Variants in PRICKLE2 observed in about 807,000 individuals in gnomAD.
PRICKLE2 encodes prickle-like protein 2.
A neutral mutation model predicts 81.4 loss-of-function variants in PRICKLE2; 21 were observed. The observed-to-expected ratio is 0.26, with a 90% CI of 0.18 to 0.37. The LOEUF is 0.37. Among genes scored for constraint, PRICKLE2 ranks in the 10% least tolerant of loss-of-function variants. PRICKLE2 has a pLI of 1.00. For synonymous variants in PRICKLE2, 456 were observed against 421.5 expected (o/e 1.08, Z -1.00); for missense variants, 940 against 1,109.0 (o/e 0.85, Z 2.16).
intron 7 of PRICKLE2, among the ~76,000 whole-genome samples, chr3:64,127,787 A>G (rs1243275290): frequency 6.6e-6 from 1 of 151,754 alleles, no homozygotes; most frequent in Admixed American, 6.6e-5. Flanking sequence ...GATGCTCAAG[A>G]TAACCTGTAA....
chr3:64,111,274 T>C (rs1269878375), intron 7 of PRICKLE2, among the ~76,000 whole-genome samples: 1 of 152,248 alleles, frequency 6.6e-6, no homozygotes, highest in Non-Finnish European at 1.5e-5. Context: ...CTTTACTCCA[T>C]ATTTATCTGT....
chr3:64,258,782 C>CGT (rs1559608233), intron 2 of PRICKLE2, among the ~76,000 whole-genome samples: 1 of 134,608 alleles, frequency 7.4e-6, no homozygotes, highest in Non-Finnish European at 1.5e-5. Flanking sequence ...CGAGATCATG[C>CGT]CACTGCACTC....
chr3:64,213,800 T>A (rs893929518), intron 1 of PRICKLE2, among the ~76,000 whole-genome samples: 2 of 152,164 alleles, frequency 1.3e-5, no homozygotes, highest in African/African-American at 4.8e-5. Context: ...AGAAAATTAT[T>A]GTTATCCTTC....
chr3:64,182,098 A>C (rs1331550901), intron 2 of PRICKLE2, among the ~76,000 whole-genome samples: 2 of 152,010 alleles, frequency 1.3e-5, no homozygotes, highest in Non-Finnish European at 2.9e-5. Flanking sequence ...GTACCCCCAA[A>C]TTCATGTGTT....
At chr3:64,182,277 G>A (rs1240763757) in intron 2 of PRICKLE2, among the ~76,000 whole-genome samples, 3 of 151,952 alleles carry the variant, frequency 2.0e-5, no homozygotes, top group Admixed American at 2.0e-4. Flanking sequence ...CTTTGAGTCC[G>A]GGTGTTAGAG....
At chr3:64,261,379 G>A (rs1046694549) in intron 2 of PRICKLE2, among the ~76,000 whole-genome samples, 1 of 152,166 alleles carries the variant, frequency 6.6e-6, no homozygotes, top group Non-Finnish European at 1.5e-5. Flanking sequence ...CCTCCTAGAA[G>A]GAAGGTACTG....
At chr3:64,159,062 G>C (rs1305749898) in intron 4 of PRICKLE2, among the ~76,000 whole-genome samples, 3 of 152,152 alleles carry the variant, frequency 2.0e-5, no homozygotes, top group African/African-American at 7.2e-5. Context: ...GTGGGGCAAG[G>C]TGTGTTCCCA....
intron 7 of PRICKLE2, among the ~76,000 whole-genome samples, chr3:64,110,799 G>C (rs2076832086): frequency 6.6e-6 from 1 of 151,956 alleles, no homozygotes; most frequent in Admixed American, 6.6e-5. Context: ...GGCTCAGAAG[G>C]TGAAAAGGAG....
At chr3:64,129,723 G>T (rs2077171023) in intron 7 of PRICKLE2, among the ~76,000 whole-genome samples, 1 of 152,094 alleles carries the variant, frequency 6.6e-6, no homozygotes, top group African/African-American at 2.4e-5. Context: ...CTGAGACTCG[G>T]CTTTAATGTA....
intron 6 of PRICKLE2, among the ~76,000 whole-genome samples, chr3:64,150,454 T>C (rs968676351): frequency 2.0e-5 from 3 of 152,250 alleles, no homozygotes; most frequent in East Asian, 3.9e-4. Context: ...AAAGCCTGCC[T>C]CTCTCTTCGC....
chr3:64,179,035 C>CTTTCT (rs1357900519), intron 2 of PRICKLE2, among the ~76,000 whole-genome samples: 11 of 97,096 alleles, frequency 1.1e-4, no homozygotes, highest in African/African-American at 4.4e-4. Context: ...TTCTTTCTTT[C>CTTTCT]TTTTCTTTCC....
intron 7 of PRICKLE2, among the ~76,000 whole-genome samples, chr3:64,132,951 C>A (rs2077218563): frequency 6.6e-6 from 1 of 152,168 alleles, no homozygotes; most frequent in Admixed American, 6.5e-5. Context: ...TTGAGTTCAT[C>A]TCTGGAAGAC....
intron 1 of PRICKLE2, among the ~76,000 whole-genome samples, chr3:64,201,832 G>A (rs1347252078): frequency 1.3e-5 from 2 of 151,920 alleles, no homozygotes; most frequent in African/African-American, 4.8e-5. Flanking sequence ...TCATAAAGAT[G>A]TATTCTTACA....
chr3:64,125,200 C>T (rs1330923964), intron 7 of PRICKLE2, among the ~76,000 whole-genome samples: 1 of 152,062 alleles, frequency 6.6e-6, no homozygotes, highest in Non-Finnish European at 1.5e-5. Context: ...ATCTCATGAT[C>T]GAACTTGAAT....
At chr3:64,160,129 T>C (rs1188107618) in intron 3 of PRICKLE2, 52 bp from the exon 4 acceptor site, 4 of 1,595,336 alleles carry the variant, frequency 2.5e-6, no homozygotes, top group Non-Finnish European at 3.4e-6. Context: ...CTCCTTAAGA[T>C]TTCTGAAGCC....
At chr3:64,200,182 T>G (rs2078545328) in intron 1 of PRICKLE2, 1 of 152,232 alleles carries the variant, frequency 6.6e-6, no homozygotes, top group African/African-American at 2.4e-5. Flanking sequence ...CTCTATGGTT[T>G]TGCCTATTTT....
intron 2 of PRICKLE2, 67 bp from the exon 3 acceptor site, chr3:64,163,196 G>T: frequency 1.1e-6 from 1 of 943,482 alleles, no homozygotes; most frequent in Non-Finnish European, 1.8e-6. Context: ...CCCACTTACT[G>T]GGAAGATGAT....
chr3:64,167,440 A>G (rs1268035789), intron 2 of PRICKLE2, among the ~76,000 whole-genome samples: 1 of 152,238 alleles, frequency 6.6e-6, no homozygotes, highest in African/African-American at 2.4e-5. Flanking sequence ...AGCATTTTGA[A>G]CACAATAAAC....
At chr3:64,252,405 C>T (rs2079461104) in intron 2 of PRICKLE2, among the ~76,000 whole-genome samples, 1 of 152,150 alleles carries the variant, frequency 6.6e-6, no homozygotes, top group Non-Finnish European at 1.5e-5. Flanking sequence ...CCTCTACATC[C>T]CTTGGGTGAA....
Sources: gnomAD v4.1 joint callset for allele counts (sites outside exome capture counted in the v4.1 genomes callset) on GRCh38, gnomAD v4.1.1 for gene constraint, MANE v1.5 for transcripts, NCBI Gene and HGNC (gene_info 2026-07-23, HGNC 2026-07-21) for gene names.